ADCYAP1R1: variants seen among roughly 807,000 people sequenced by gnomAD.
ADCYAP1R1 encodes the protein ADCYAP receptor type I.
Under a neutral mutation model 67.6 loss-of-function variants are expected in ADCYAP1R1, and 44 were observed. The observed-to-expected ratio is 0.65, with a 90% confidence interval of 0.51 to 0.84. The LOEUF (loss-of-function observed/expected upper bound fraction) is 0.84. Among genes scored for constraint, ADCYAP1R1 ranks in the 40% least tolerant of loss-of-function variants. ADCYAP1R1 has a pLI of 0.00. For missense variants in ADCYAP1R1, 477 were observed against 587.9 expected, an observed-to-expected ratio of 0.81 and a Z score of 1.95; for synonymous variants, 222 against 219.6, an observed-to-expected ratio of 1.01 and a Z score of -0.10.
At chr7:31,085,470 G>T in intron 9 of ADCYAP1R1, 28 bp downstream of exon 9, 1 of 1,605,366 alleles carries the variant, frequency 6.2e-7, no homozygotes, top group South Asian at 1.1e-5. Flanking sequence ...ACCCATTAGG[G>T]CTCTGCCGGG....
rs547977114 is a variant in ADCYAP1R1, at chr7:31,065,025, A to T, written c.157+89A>T. The T allele has an allele frequency of 1.4e-5, 13 of 961,818 alleles. 1 individual carries two copies. The South Asian group carries it at 2.0e-4, about 15-fold the overall frequency. 59.6% of individuals were successfully genotyped at this position (961,818 alleles called of 1,614,324 possible). Reference sequence around the variant, plus strand: ...GCTCAGGCTCGGCCAGTGAGTGGTCAAGGTATGGGTTTCTGGGGACTTCAG... The same window carrying T: ...GCTCAGGCTCGGCCAGTGAGTGGTCTAGGTATGGGTTTCTGGGGACTTCAG... On this transcript the variant is annotated intron_variant, in intron 3 of 15. Coordinates refer to ENST00000304166, the MANE Select transcript of ADCYAP1R1 (RefSeq NM_001118.5).
chr7:31,064,738 T>TC, intron 2 of ADCYAP1R1, 93 bp from the exon 3 acceptor site: 3 of 994,552 alleles, frequency 3.0e-6, no homozygotes, highest in African/African-American at 1.6e-5. Flanking sequence ...TGCTCCCCAC[T>TC]CCCCCCAAGA....
rs146968669 is a variant in ADCYAP1R1 at position 31,080,483 on chromosome 7, C to A, written c.266-130C>A. 7.8e-4 allele frequency: 697 copies of A among 895,046 alleles called. 8 individuals carry two copies. The East Asian group carries it at 0.011, about 15-fold the overall frequency. The allele number at this position is 895,046 out of a possible 1,614,324, so 55.4% of individuals were successfully genotyped here. ...TGATGCCTTCTGGGTCCCCCAGAGC[C>A]CCTCTTTAATGTTTGGGGTTGGGAA... On this transcript the variant is annotated intron_variant, in intron 4 of 15. Transcript: ENST00000304166.
At chr7:31,068,767 T>C (rs1794851762) in intron 3 of ADCYAP1R1, among the ~76,000 whole-genome samples, 1 of 152,152 alleles carries the variant, frequency 6.6e-6, no homozygotes, top group African/African-American at 2.4e-5. Context: ...TCTGAAGAGC[T>C]TGCCCTGCAG....
chr7:31,080,515 G>C, intron 4 of ADCYAP1R1, 98 bp from the exon 5 acceptor site: 3 of 1,255,604 alleles, frequency 2.4e-6, no homozygotes, highest in Non-Finnish European at 3.4e-6. Flanking sequence ...GGAAGGAGGA[G>C]GAAGTGATCA....
chr7:31,072,177 G>A (rs1322589843), intron 3 of ADCYAP1R1, among the ~76,000 whole-genome samples: 1 of 152,176 alleles, frequency 6.6e-6, no homozygotes, highest in Non-Finnish European at 1.5e-5. Flanking sequence ...TTTCTTGCGT[G>A]CATGTATCAT....
intron 1 of ADCYAP1R1, among the ~76,000 whole-genome samples, chr7:31,059,573 G>A (rs1285501171): frequency 8.5e-5 from 13 of 152,176 alleles, no homozygotes; most frequent in East Asian, 7.7e-4. Flanking sequence ...GGTGGGGCTT[G>A]GCCTGTCCCT....
At chr7:31,075,654 A>G (rs546752565) in intron 3 of ADCYAP1R1, among the ~76,000 whole-genome samples, 92 of 152,268 alleles carry the variant, frequency 6.0e-4, no homozygotes, top group African/African-American at 2.1e-3. Context: ...AGGAAAAGTG[A>G]GTGGCAGGGC....
At chr7:31,066,905 AT>A (rs201522123) in intron 3 of ADCYAP1R1, among the ~76,000 whole-genome samples, 3,046 of 152,270 alleles carry the variant, frequency 0.02, 92 homozygotes, top group African/African-American at 0.07. Flanking sequence ...AACCTCCTGT[AT>A]TTGGAACTCA....
At chr7:31,068,865 C>T (rs1337185418) in intron 3 of ADCYAP1R1, among the ~76,000 whole-genome samples, 2 of 152,336 alleles carry the variant, frequency 1.3e-5, no homozygotes, top group East Asian at 3.9e-4. Flanking sequence ...CCTTACTCTT[C>T]CCCCATTGAA....
chr7:31,088,708 T>C (rs1392273047), intron 12 of ADCYAP1R1, among the ~76,000 whole-genome samples: 2 of 152,218 alleles, frequency 1.3e-5, no homozygotes, highest in African/African-American at 4.8e-5. Flanking sequence ...TTCTATTCTG[T>C]GTTACTAATG....
At chr7:31,084,318 A>G in intron 7 of ADCYAP1R1, 68 bp downstream of exon 7, 2 of 1,272,532 alleles carry the variant, frequency 1.6e-6, no homozygotes, top group Non-Finnish European at 2.3e-6. Flanking sequence ...GTCAGTAGGC[A>G]GCATTCATGA....
At chr7:31,098,804 G>T (rs1438191756) in intron 13 of ADCYAP1R1, among the ~76,000 whole-genome samples, 1 of 151,608 alleles carries the variant, frequency 6.6e-6, no homozygotes, top group African/African-American at 2.4e-5. Flanking sequence ...GGTACCTTCA[G>T]GCTTACTCTT....
rs749555552 is a variant in ADCYAP1R1, at chr7:31,086,402, A to G, written c.688A>G (p.Met230Val). Reference sequence around the variant, plus strand: ...CCTGCAGGTGGAATGTAAGGCCGTCATGGTTTTCTTCCACTACTGTGTTGT... The same window carrying G: ...CCTGCAGGTGGAATGTAAGGCCGTCGTGGTTTTCTTCCACTACTGTGTTGT... ...FISTVECKAV[M>V]VFFHYCVVSN... The change falls in exon 10 of 16, where the codon ATG becomes GTG. Residue 230 changes from methionine (M) to valine (V), a missense_variant. Coordinates refer to ENST00000304166, the MANE Select transcript of ADCYAP1R1 (RefSeq NM_001118.5). This position sits in a 1 kb window ranked among gnomAD's most constrained non-coding sequence, Gnocchi z 5.0. The G allele has an allele frequency of 1.2e-6, 2 of 1,614,124 alleles. No individual in the cohort carries two copies. The highest frequency in any genetic ancestry group is 2.2e-5 in the South Asian group (2 of 91,050).
Position 31,086,332 on chromosome 7 carries a change from G to C in ADCYAP1R1, c.670-52G>C, listed in dbSNP as rs551697104. The C allele has an allele frequency of 3.8e-6, 6 of 1,592,348 alleles. No individual in the cohort carries two copies. Among genetic ancestry groups the C allele is most frequent in the South Asian group, 1.2e-5 (1 of 86,684 alleles). On this transcript the variant is annotated intron_variant, in intron 9 of 15. Transcript: ENST00000304166. The surrounding 1 kb of genome is among the most constrained non-coding windows in gnomAD (Gnocchi z 5.0). Reference sequence around the variant, plus strand: ...CCAACGGGCCCTAGGATTCTCCCTTGCTCCTGTTCCTGTTGGGCTCACGCC... The same window carrying C: ...CCAACGGGCCCTAGGATTCTCCCTTCCTCCTGTTCCTGTTGGGCTCACGCC...
chr7:31,068,918 G>A (rs906490014), intron 3 of ADCYAP1R1, among the ~76,000 whole-genome samples: 3 of 152,198 alleles, frequency 2.0e-5, no homozygotes, highest in African/African-American at 4.8e-5. Context: ...ACCCTGGCTG[G>A]AGCTGGGCTT....
chr7:31,055,632 T>C (rs992267280), intron 1 of ADCYAP1R1, among the ~76,000 whole-genome samples: 1 of 152,244 alleles, frequency 6.6e-6, no homozygotes, highest in African/African-American at 2.4e-5. Flanking sequence ...GTAAAAAGCA[T>C]TCCTGGCTCA....
At position 31,109,478 on chromosome 7, in the gene ADCYAP1R1, G is replaced by A. The variant is rs1796773936; in HGVS notation, c.*2794G>A. 1 of 152,230 alleles carries A rather than the reference G, an allele frequency of 6.6e-6. No individual in the cohort carries two copies. Among genetic ancestry groups the A allele is most frequent in the Non-Finnish European group, 1.5e-5 (1 of 68,066 alleles). 9.4% of individuals were successfully genotyped at this position (152,230 alleles called of 1,614,324 possible). On this transcript the variant is annotated 3_prime_UTR_variant, in exon 16 of 16. Transcript: ENST00000304166. ...GGACTGTGGTATTTGCCTGGGCCAG[G>A]AAAGGATAAGAAATCCTGTCATGTG...
intron 1 of ADCYAP1R1, among the ~76,000 whole-genome samples, chr7:31,056,417 T>C (rs1794245103): frequency 6.6e-6 from 1 of 152,200 alleles, no homozygotes; most frequent in Admixed American, 6.5e-5. Context: ...TAGGCACCTC[T>C]GAACTTCCCA....
Sources: allele counts gnomAD v4.1 joint callset (sites outside exome capture counted in the v4.1 genomes callset), GRCh38; gene constraint gnomAD v4.1.1; non-coding constraint Gnocchi (gnomAD v3.1); transcripts MANE v1.5; gene names NCBI Gene and HGNC (gene_info 2026-07-23, HGNC 2026-07-21).